SUPT3H: variants seen among roughly 807,000 people sequenced by gnomAD.
SUPT3H encodes SPT3 homolog, SAGA and STAGA complex component, also known as transcription initiation protein SPT3 homolog.
SUPT3H carries 44 observed loss-of-function variants against 44.3 expected under a neutral mutation model. That is an observed-to-expected ratio of 0.99 (90% confidence interval 0.78 to 1.28). The LOEUF (loss-of-function observed/expected upper bound fraction) is 1.28. Ranked by LOEUF, SUPT3H falls within the 50% of genes most tolerant of loss-of-function variation. SUPT3H has a pLI of 0.00. For synonymous variants in SUPT3H, 124 were observed against 125.6 expected (o/e 0.99, Z 0.09); for missense variants, 380 against 387.1 (o/e 0.98, Z 0.15).
chr6:44,897,605 C>T (rs930844866), intron 10 of SUPT3H, among the ~76,000 whole-genome samples: 1 of 152,132 alleles, frequency 6.6e-6, no homozygotes, highest in African/African-American at 2.4e-5. Context: ...AAGCAAAGGC[C>T]ATGCTTCCAT....
intron 10 of SUPT3H, among the ~76,000 whole-genome samples, chr6:44,864,213 A>C (rs1007881741): frequency 6.6e-6 from 1 of 152,254 alleles, no homozygotes; most frequent in African/African-American, 2.4e-5. Flanking sequence ...TGTAAAATCA[A>C]AAGCAAGTTA....
At chr6:44,987,089 TG>T (rs1475367990) in intron 6 of SUPT3H, among the ~76,000 whole-genome samples, 1 of 152,134 alleles carries the variant, frequency 6.6e-6, no homozygotes. Flanking sequence ...GCTCTCTTCC[TG>T]GCTTACAGAT....
intron 9 of SUPT3H, among the ~76,000 whole-genome samples, chr6:44,951,667 G>A (rs967723495): frequency 5.3e-5 from 8 of 152,144 alleles, no homozygotes; most frequent in African/African-American, 1.9e-4. Flanking sequence ...TCAACTGCTG[G>A]GTAGCTGGGA....
chr6:45,314,634 T>A (rs186793720), intron 2 of SUPT3H, among the ~76,000 whole-genome samples: 280 of 152,100 alleles, frequency 1.8e-3, no homozygotes, highest in African/African-American at 6.6e-3. Flanking sequence ...TAAAAGAAAT[T>A]ACAGACAACA....
chr6:44,912,631 T>C (rs774253016), intron 10 of SUPT3H, among the ~76,000 whole-genome samples: 11 of 152,190 alleles, frequency 7.2e-5, no homozygotes, highest in Non-Finnish European at 1.3e-4. Context: ...CCCACAAGAA[T>C]CACTGGCAGA....
At chr6:45,178,307 C>T (rs879145124) in intron 2 of SUPT3H, among the ~76,000 whole-genome samples, 1 of 151,988 alleles carries the variant, frequency 6.6e-6, no homozygotes, top group African/African-American at 2.4e-5. Context: ...CAACAAAGAT[C>T]AAAAGAGACA....
At chr6:44,867,393 G>A (rs929120792) in intron 10 of SUPT3H, among the ~76,000 whole-genome samples, 4 of 151,836 alleles carry the variant, frequency 2.6e-5, no homozygotes, top group South Asian at 2.1e-4. Flanking sequence ...CTCCCGCCTC[G>A]GCCTCCCACC....
intron 2 of SUPT3H, among the ~76,000 whole-genome samples, chr6:45,351,085 C>T (rs1022221482): frequency 2.0e-5 from 3 of 152,094 alleles, no homozygotes; most frequent in African/African-American, 7.2e-5. Flanking sequence ...CGCCCCATGT[C>T]CCCACCCCAC....
In SUPT3H at chr6:44,884,462, T is replaced by G. The variant is rs1027057963; in HGVS notation, c.912+48191A>C. Among the ~76,000 whole-genome samples the G allele has an allele frequency of 3.3e-5, 5 of 152,292 alleles. No individual in the cohort carries two copies. The East Asian group carries it at 9.6e-4, about 29-fold the overall frequency. On this transcript the variant is annotated intron_variant, in intron 10 of 10. Coordinates refer to ENST00000371459, the MANE Select transcript of SUPT3H (RefSeq NM_003599.4). ...ACAGTGTGGCGATTCCTCCAGGATC[T>G]AGAAGCAGAAATACCATTTGCTCCA...
chr6:45,015,111 A>G (rs1784053633), intron 4 of SUPT3H, among the ~76,000 whole-genome samples: 1 of 152,152 alleles, frequency 6.6e-6, no homozygotes, highest in Non-Finnish European at 1.5e-5. Context: ...AAATATTCGG[A>G]TGTTCCAGAA....
intron 2 of SUPT3H, among the ~76,000 whole-genome samples, chr6:45,280,703 T>C (rs968758167): frequency 5.9e-5 from 9 of 152,234 alleles, no homozygotes; most frequent in Admixed American, 4.6e-4. Context: ...AGGTCTATTG[T>C]GGATAAGAGG....
intron 2 of SUPT3H, among the ~76,000 whole-genome samples, chr6:45,255,427 T>TTG (rs1773201092): frequency 1.3e-5 from 2 of 150,246 alleles, no homozygotes; most frequent in African/African-American, 4.9e-5. Flanking sequence ...GGTTTTTTTT[T>TTG]TTTTTTTTTT....
At chr6:45,158,664 G>T (rs1253715894) in intron 2 of SUPT3H, among the ~76,000 whole-genome samples, 27 of 151,958 alleles carry the variant, frequency 1.8e-4, no homozygotes. Context: ...TATGGTTATC[G>T]CTAGCTGTCA....
intron 2 of SUPT3H, among the ~76,000 whole-genome samples, chr6:45,364,385 CCA>C (rs1180794719): frequency 6.6e-6 from 1 of 152,104 alleles, no homozygotes; most frequent in Non-Finnish European, 1.5e-5. Context: ...ATCAATTTAG[CCA>C]CAAGAGGAAG....
rs1328539807 is a variant in SUPT3H at position 44,908,079 on chromosome 6, C to A, written c.912+24574G>T. Among the ~76,000 whole-genome samples, 3 of 151,916 alleles carry A rather than the reference C, an allele frequency of 2.0e-5. No homozygotes were observed. In the East Asian group the frequency reaches 5.8e-4, roughly 29 times the overall value. ...CAAGGAAAAAATTTTAACAACTCCC[C>A]ATGTGTCCAAAGAATTTAATTTTAA... is the stretch of plus-strand genomic sequence containing the variant. On this transcript the variant is annotated intron_variant, in intron 10 of 10. Coordinates refer to ENST00000371459, the MANE Select transcript of SUPT3H (RefSeq NM_003599.4).
At chr6:45,028,840 T>C (rs769007180) in intron 3 of SUPT3H, among the ~76,000 whole-genome samples, 5 of 111,216 alleles carry the variant, frequency 4.5e-5, no homozygotes, top group Non-Finnish European at 8.8e-5. Context: ...AGTCTAACCA[T>C]AAAAATGTTT....
chr6:45,141,498 G>GA lies in SUPT3H; in HGVS notation c.102-35493dup, dbSNP rs542997352. Among the ~76,000 whole-genome samples the GA allele has an allele frequency of 6.0e-5, 9 of 150,610 alleles. No individual in the cohort carries two copies. The South Asian group carries it at 6.3e-4, about 11-fold the overall frequency. On this transcript the variant is annotated intron_variant, in intron 2 of 10. Coordinates refer to ENST00000371459, the MANE Select transcript of SUPT3H (RefSeq NM_003599.4). ...GATCCAGAGAAATAGGTACAGAAAA[G>GA]AAAAAAAATCATTAAAATGAAGACT... is the stretch of plus-strand genomic sequence containing the variant.
intron 2 of SUPT3H, among the ~76,000 whole-genome samples, chr6:45,257,714 C>A (rs543849495): frequency 6.6e-6 from 1 of 152,116 alleles, no homozygotes; most frequent in Admixed American, 6.6e-5. Flanking sequence ...CAAGAGAGAA[C>A]AAGAGGGAGC....
chr6:45,351,283 C>T (rs1348444372), intron 2 of SUPT3H, among the ~76,000 whole-genome samples: 4 of 152,112 alleles, frequency 2.6e-5, no homozygotes, highest in Non-Finnish European at 5.9e-5. Context: ...AGACTGCCCT[C>T]CTACGCTATA....
Sources: gnomAD v4.1 joint callset for allele counts (sites outside exome capture counted in the v4.1 genomes callset) on GRCh38, gnomAD v4.1.1 for gene constraint, MANE v1.5 for transcripts, NCBI Gene and HGNC (gene_info 2026-07-23, HGNC 2026-07-21) for gene names.